GOLPH3L: variants seen among roughly 807,000 people sequenced by gnomAD.
The protein encoded by GOLPH3L is Golgi phosphoprotein 3-like.
A neutral mutation model predicts 30.3 loss-of-function variants in GOLPH3L; 22 were observed. The observed-to-expected ratio is 0.73, with a 90% CI of 0.52 to 1.04. GOLPH3L has a LOEUF of 1.04. GOLPH3L is among the 50% of genes least tolerant of loss of function. GOLPH3L has a pLI of 0.00. For synonymous variants in GOLPH3L, 120 were observed against 128.2 expected, an observed-to-expected ratio of 0.94 and a Z score of 0.43; for missense variants, 303 against 345.8, an observed-to-expected ratio of 0.88 and a Z score of 0.98.
intron 2 of GOLPH3L, among the ~76,000 whole-genome samples, chr1:150,670,006 A>G (rs1037113296): frequency 6.7e-6 from 1 of 150,298 alleles, no homozygotes; most frequent in African/African-American, 2.5e-5. Context: ...CAGGACTGTA[A>G]TCCCAGCATT....
chr1:150,686,353 T>C (rs1247557367), intron 2 of GOLPH3L, among the ~76,000 whole-genome samples: 2 of 152,152 alleles, frequency 1.3e-5, no homozygotes, highest in Non-Finnish European at 2.9e-5. Flanking sequence ...TAGCTGGGAC[T>C]ATAGGTTCAC....
At chr1:150,677,148 G>A (rs1380031308) in intron 2 of GOLPH3L, among the ~76,000 whole-genome samples, 7 of 150,414 alleles carry the variant, frequency 4.7e-5, no homozygotes, top group Non-Finnish European at 7.4e-5. Context: ...TTGGCTCACT[G>A]CAACCTCTGC....
At chr1:150,677,681 G>A (rs1271245976) in intron 2 of GOLPH3L, among the ~76,000 whole-genome samples, 1 of 149,402 alleles carries the variant, frequency 6.7e-6, no homozygotes, top group East Asian at 2.0e-4. Flanking sequence ...ACCCACGCTG[G>A]AGTGCATAAT....
At chr1:150,680,529 A>G (rs746847970) in intron 2 of GOLPH3L, among the ~76,000 whole-genome samples, 5 of 152,216 alleles carry the variant, frequency 3.3e-5, no homozygotes, top group Non-Finnish European at 5.9e-5. Context: ...GCTCTCTTCT[A>G]GGAAACATTT....
rs1215906756 is a variant in GOLPH3L at position 150,648,498 on chromosome 1, C to T, written c.681G>A (p.Val227=). The T allele has an allele frequency of 3.1e-6, 5 of 1,613,982 alleles. No homozygotes were observed. The highest frequency in any genetic ancestry group is 1.3e-5 in the African/African-American group (1 of 75,038). ...RMDKRTLALL[V]LAHSSDVLEN... ...CTAGCACATCAGAGGAGTGGGCTAG[C>T]ACCAGGAGTGCTAGTGTTCGCTTGT... is the stretch of plus-strand genomic sequence containing the variant. Residue 227 remains valine, a synonymous_variant, in exon 5 of 5, where the codon GTG becomes GTA. Coordinates refer to ENST00000271732, the MANE Select transcript of GOLPH3L (RefSeq NM_018178.6).
rs1002786932 is a variant in GOLPH3L, at chr1:150,694,886, T to C, written c.-12-36A>G. ...TGGTGAAAAAAAAAATCCATATGTATGCTTATGTAAATAAATCATATATTC... is the reference window on the plus strand; with the variant it reads ...TGGTGAAAAAAAAAATCCATATGTACGCTTATGTAAATAAATCATATATTC... On this transcript the variant is annotated intron_variant, in intron 1 of 4. Coordinates refer to ENST00000271732, the MANE Select transcript of GOLPH3L (RefSeq NM_018178.6). 6.2e-6 allele frequency: 7 copies of C among 1,132,112 alleles called. No homozygotes were observed. The African/African-American group carries it at 9.3e-5, about 15-fold the overall frequency. The allele number at this position is 1,132,112 out of a possible 1,614,324, so 70.1% of individuals were successfully genotyped here. A position where few individuals can be genotyped will look rare whatever the true frequency, so the allele number is the denominator to read the frequency against.
Position 150,648,195 on chromosome 1 carries a change from A to G in GOLPH3L, c.*126T>C. 1.4e-6 allele frequency: 1 copy of G among 700,150 alleles called. No individual in the cohort carries two copies. The highest frequency in any genetic ancestry group is 2.4e-6 in the Non-Finnish European group (1 of 422,820). The allele number at this position is 700,150 out of a possible 1,614,324, so 43.4% of individuals were successfully genotyped here. ...AGAAGCCCTGAAGTTGCTCTCCCCA[A>G]ATCACAAGTCTGATTCAAGAAAAGG... On this transcript the variant is annotated 3_prime_UTR_variant, in exon 5 of 5. Coordinates refer to ENST00000271732, the MANE Select transcript of GOLPH3L (RefSeq NM_018178.6).
At chr1:150,669,320 C>T (rs1650586891) in intron 2 of GOLPH3L, among the ~76,000 whole-genome samples, 1 of 152,044 alleles carries the variant, frequency 6.6e-6, no homozygotes, top group Non-Finnish European at 1.5e-5. Flanking sequence ...ATATTTAGAA[C>T]AGATTGAAAC....
chr1:150,663,366 T>C (rs1051499678), intron 3 of GOLPH3L, among the ~76,000 whole-genome samples: 1 of 152,214 alleles, frequency 6.6e-6, no homozygotes, highest in Admixed American at 6.5e-5. Flanking sequence ...GCTATAGATA[T>C]AGGAGGAATT....
At chr1:150,672,886 T>TC (rs1650676290) in intron 2 of GOLPH3L, among the ~76,000 whole-genome samples, 1 of 152,176 alleles carries the variant, frequency 6.6e-6, no homozygotes. Context: ...GGACAGGATT[T>TC]CTCAATGAAT....
At chr1:150,680,097 G>A (rs988386757) in intron 2 of GOLPH3L, among the ~76,000 whole-genome samples, 2 of 152,090 alleles carry the variant, frequency 1.3e-5, no homozygotes, top group African/African-American at 4.8e-5. Flanking sequence ...AGTTTCAACA[G>A]GACGCTTCTG....
chr1:150,683,098 C>T (rs1467117383), intron 2 of GOLPH3L, among the ~76,000 whole-genome samples: 1 of 152,110 alleles, frequency 6.6e-6, no homozygotes, highest in Non-Finnish European at 1.5e-5. Context: ...TTCTCAGTGC[C>T]TTGCATCAAG....
intron 2 of GOLPH3L, among the ~76,000 whole-genome samples, chr1:150,691,661 T>C (rs587763860): frequency 6.6e-6 from 1 of 152,276 alleles, no homozygotes; most frequent in South Asian, 2.1e-4. Flanking sequence ...AAAAAGATAA[T>C]CACTATTCTA....
intron 4 of GOLPH3L, among the ~76,000 whole-genome samples, chr1:150,650,133 A>T (rs1336699113): frequency 1.3e-5 from 2 of 152,170 alleles, no homozygotes; most frequent in Non-Finnish European, 2.9e-5. Flanking sequence ...GCAAAATGTA[A>T]ACTCCCTGAT....
At chr1:150,663,818 C>T in intron 2 of GOLPH3L, 55 bp from the exon 3 acceptor site, 2 of 1,515,826 alleles carry the variant, frequency 1.3e-6, no homozygotes, top group South Asian at 1.1e-5. Context: ...TACTGACTTC[C>T]AGCAGGCACC....
intron 4 of GOLPH3L, among the ~76,000 whole-genome samples, chr1:150,655,957 A>T (rs1209483452): frequency 8.5e-5 from 13 of 152,204 alleles, no homozygotes; most frequent in African/African-American, 2.9e-4. Flanking sequence ...AATGGTTTGC[A>T]TTTACAATTC....
intron 2 of GOLPH3L, among the ~76,000 whole-genome samples, chr1:150,669,405 T>C (rs990179325): frequency 6.6e-6 from 1 of 152,200 alleles, no homozygotes; most frequent in East Asian, 1.9e-4. Flanking sequence ...TTCCTCTTAG[T>C]GTATCTATCT....
chr1:150,661,973 T>C, intron 3 of GOLPH3L, 45 bp from the exon 4 acceptor site: 2 of 858,676 alleles, frequency 2.3e-6, no homozygotes, highest in Non-Finnish European at 4.1e-6. Context: ...CTTCACTTCA[T>C]TCAAGTTAAA....
chr1:150,694,122 G>C (rs1471233363), intron 2 of GOLPH3L: 1 of 443,512 alleles, frequency 2.3e-6, no homozygotes, highest in Non-Finnish European at 4.6e-6. Context: ...GCTCCCCAAA[G>C]TGCTGGGATT....
Sources: gnomAD v4.1 joint callset for allele counts (sites outside exome capture counted in the v4.1 genomes callset) on GRCh38, gnomAD v4.1.1 for gene constraint, MANE v1.5 for transcripts, NCBI Gene and HGNC (gene_info 2026-07-23, HGNC 2026-07-21) for gene names.